TAF8: variants seen among roughly 807,000 people sequenced by gnomAD.
TAF8 encodes transcription initiation factor TFIID subunit 8.
In TAF8, 47 loss-of-function variants were observed where a neutral mutation model predicts 36.5. The ratio of observed to expected loss-of-function variants is 1.29; its 90% confidence interval spans 1.02 to 1.64. The LOEUF (loss-of-function observed/expected upper bound fraction) is 1.64. TAF8 is among the 40% of genes most tolerant of loss of function. The pLI is 0.00. For synonymous variants in TAF8, 175 were observed against 159.5 expected (o/e 1.10, Z -0.73); for missense variants, 420 against 407.6 (o/e 1.03, Z -0.26).
At chr6:42,077,028 C>T in intron 7 of TAF8, 72 bp from the exon 8 acceptor site, 2 of 1,516,354 alleles carry the variant, frequency 1.3e-6, no homozygotes, top group Non-Finnish European at 1.8e-6. Flanking sequence ...TGCTAATGGT[C>T]ATTCCAATTA....
downstream of TAF8, among the ~76,000 whole-genome samples, chr6:42,084,707 C>G (rs934446360): frequency 6.6e-6 from 1 of 152,224 alleles, no homozygotes; most frequent in African/African-American, 2.4e-5. Context: ...AGGTGATCCA[C>G]CTGCCTCAGC....
chr6:42,071,959 A>C (rs907728696), intron 7 of TAF8, among the ~76,000 whole-genome samples: 5 of 152,358 alleles, frequency 3.3e-5, no homozygotes, highest in African/African-American at 1.2e-4. Context: ...CATGAGGCCA[A>C]GCCAGGGTTG....
At chr6:42,050,859 AT>A in intron 1 of TAF8, 1 of 1,134,092 alleles carries the variant, frequency 8.8e-7, no homozygotes, top group South Asian at 3.4e-5. Context: ...TCGCCTTCTT[AT>A]TGGCCGGCCA....
In TAF8 at chr6:42,057,405, G is replaced by A. The variant is rs1048781819; in HGVS notation, c.381G>A (p.Gln127=). The A allele has an allele frequency of 1.2e-6, 2 of 1,614,068 alleles. No individual in the cohort carries two copies. The highest frequency in any genetic ancestry group is 1.7e-5 in the Admixed American group (1 of 60,004). ...CTGTTGCAGCTCCGGTGACCAATCA[G>A]CCAGTGACCCCCAAGGCCCTCACTG... is the stretch of plus-strand genomic sequence containing the variant. ...MVITAPPVTN[Q]PVTPKALTAG... The change falls in exon 5 of 9, where the codon CAG becomes CAA. Residue 127 remains glutamine (Q), a synonymous_variant. Transcript: ENST00000372977.
chr6:42,084,096 G>C (rs1423813895), downstream of TAF8, among the ~76,000 whole-genome samples: 1 of 150,486 alleles, frequency 6.6e-6, no homozygotes, highest in Non-Finnish European at 1.5e-5. Context: ...CAGGAGAATG[G>C]CCTGAACCCG....
Position 42,055,561 on chromosome 6 carries a change from C to CT in TAF8, c.235dup (p.Tyr79LeufsTer3), listed in dbSNP as rs1340775943. On this transcript the variant is annotated frameshift_variant, in exon 3 of 9. Coordinates refer to ENST00000372977, the MANE Select transcript of TAF8 (RefSeq NM_138572.3). LOFTEE classifies it high-confidence loss of function. ...TCAGAAATTGGGAGAAGTGCCAAGT[C>CT]TTACTGTGAGCACACAGCCAGGACC... 1 of 1,614,128 alleles carries CT rather than the reference C, an allele frequency of 6.2e-7. No individual in the cohort carries two copies. The highest frequency in any genetic ancestry group is 8.5e-7 in the Non-Finnish European group (1 of 1,179,994).
chr6:42,086,233 C>T (rs898183194), downstream of TAF8, among the ~76,000 whole-genome samples: 6 of 152,232 alleles, frequency 3.9e-5, no homozygotes, highest in East Asian at 3.8e-4. Flanking sequence ...CACCTTCCTC[C>T]GGAAAAACAG....
chr6:42,071,618 C>G (rs1279904030), intron 7 of TAF8: 1 of 151,976 alleles, frequency 6.6e-6, no homozygotes, highest in Non-Finnish European at 1.5e-5. Context: ...GCCACCACAC[C>G]CGGCCTGGAT....
In TAF8 at chr6:42,079,978, G is replaced by A. The variant is rs1166079167; in HGVS notation, c.*2433G>A. ...AAGGAAAGAGCTGCTTGTCAGGAAC[G>A]GAAGAGGGGACGCTAGTAAAAAAAA... On this transcript the variant is annotated 3_prime_UTR_variant, in exon 9 of 9. Transcript: ENST00000372977. The A allele has an allele frequency of 1.2e-5, 12 of 975,678 alleles. No individual in the cohort carries two copies. The highest frequency in any genetic ancestry group is 1.3e-5 in the Non-Finnish European group (11 of 826,980). 60.4% of individuals were successfully genotyped at this position (975,678 alleles called of 1,614,324 possible).
intron 1 of TAF8, chr6:42,050,816 G>A (rs1192269561): frequency 2.1e-6 from 2 of 948,306 alleles, no homozygotes; most frequent in Non-Finnish European, 2.9e-6. Context: ...TTGGGAGCCC[G>A]GAACACCCCC....
At chr6:42,051,170 T>C (rs1332386976) in intron 1 of TAF8, 187 bp from the exon 2 acceptor site, 4 of 1,310,096 alleles carry the variant, frequency 3.1e-6, no homozygotes, top group Non-Finnish European at 3.9e-6. Context: ...AGAAGTGGTC[T>C]CTGTATTTAA....
intron 2 of TAF8, 125 bp from the exon 3 acceptor site, chr6:42,055,406 C>G (rs965010798): frequency 1.5e-6 from 1 of 671,290 alleles, no homozygotes; most frequent in African/African-American, 1.8e-5. Flanking sequence ...AGTAGCTTTT[C>G]GAATCCCTGC....
In TAF8 at chr6:42,055,578, G is replaced by A. The variant is rs777630505; in HGVS notation, c.250G>A (p.Ala84Thr). Residue 84 changes from alanine to threonine, a missense_variant, in exon 3 of 9, where the codon GCC (alanine) becomes ACC (threonine). Transcript: ENST00000372977. Reference protein sequence around the residue: ...RSAKSYCEHTARTQPTLSDIV... With the variant: ...RSAKSYCEHTTRTQPTLSDIV... Reference sequence around the variant, plus strand: ...TGCCAAGTCTTACTGTGAGCACACAGCCAGGACCCAGCCCACACTGTCCGA... The same window carrying A: ...TGCCAAGTCTTACTGTGAGCACACAACCAGGACCCAGCCCACACTGTCCGA... 6.2e-7 allele frequency: 1 copy of A among 1,614,200 alleles called. No homozygotes were observed. Among genetic ancestry groups the A allele is most frequent in the South Asian group, 1.1e-5 (1 of 91,086 alleles).
intron 5 of TAF8, among the ~76,000 whole-genome samples, chr6:42,061,600 A>G (rs1270017840): frequency 6.6e-6 from 1 of 152,234 alleles, no homozygotes; most frequent in Non-Finnish European, 1.5e-5. Flanking sequence ...TAACATAATC[A>G]TTATAATTAT....
chr6:42,065,496 A>G (rs1025964931), intron 5 of TAF8, among the ~76,000 whole-genome samples: 1 of 152,266 alleles, frequency 6.6e-6, no homozygotes, highest in Non-Finnish European at 1.5e-5. Context: ...ACGTATAATA[A>G]GATCTTCAGC....
rs1012881557 is a variant in TAF8, at chr6:42,078,793, C to T, written c.*1248C>T. On this transcript the variant is annotated 3_prime_UTR_variant, in exon 9 of 9. Coordinates refer to ENST00000372977, the MANE Select transcript of TAF8 (RefSeq NM_138572.3). The stretch of plus-strand genomic sequence containing the variant: ...AGCCTAGAGCGTCGGCTCTATTATG[C>T]TGGGACTTGACAGAGGAGCCATGGG... The T allele has an allele frequency of 1.0e-6, 1 of 985,406 alleles. No homozygotes were observed. Among genetic ancestry groups the T allele is most frequent in the Non-Finnish European group, 1.2e-6 (1 of 829,956 alleles). The allele number at this position is 985,406 out of a possible 1,614,324, so 61.0% of individuals were successfully genotyped here.
rs1554177663 is a variant in TAF8 at position 42,081,191 on chromosome 6, G to GTGTA, written c.*3646_*3647insTGTA. Reference sequence around the variant, plus strand: ...CTGGAGTGTGTGTGTGTGTGTGTGTGCGTGTGTGTGCGTGTGAGACAGAGT... The same window carrying GTGTA: ...CTGGAGTGTGTGTGTGTGTGTGTGTGTGTACGTGTGTGTGCGTGTGAGACAGAGT... On this transcript the variant is annotated 3_prime_UTR_variant, in exon 9 of 9. Transcript: ENST00000372977. 2.5e-5 allele frequency: 2 copies of GTGTA among 80,202 alleles called. No individual in the cohort carries two copies. Among genetic ancestry groups the GTGTA allele is most frequent in the African/African-American group, 1.2e-4 (2 of 16,160 alleles). 5.0% of individuals were successfully genotyped at this position (80,202 alleles called of 1,614,324 possible).
At chr6:42,051,330 G>A (rs775332894) in intron 1 of TAF8, 27 bp from the exon 2 acceptor site, 2 of 1,600,610 alleles carry the variant, frequency 1.2e-6, no homozygotes, top group South Asian at 1.1e-5. Flanking sequence ...TTCTCCTGTG[G>A]ATGAAAATCT....
At position 42,081,119 on chromosome 6, in the gene TAF8, C is replaced by A. The variant is rs569713523; in HGVS notation, c.*3574C>A. 9.0e-6 allele frequency: 2 copies of A among 221,708 alleles called. No individual in the cohort carries two copies. Among genetic ancestry groups the A allele is most frequent in the South Asian group, 1.6e-4 (1 of 6,134 alleles). The allele number at this position is 221,708 out of a possible 1,614,324, so 13.7% of individuals were successfully genotyped here. On this transcript the variant is annotated 3_prime_UTR_variant, in exon 9 of 9. Transcript: ENST00000372977. ...CACACTTGTCAGTAGCTTGTTGATT[C>A]TGTTTCATCTGTTTCTCCCACTTTT...
Sources: gnomAD v4.1 joint callset for allele counts (sites outside exome capture counted in the v4.1 genomes callset) on GRCh38, gnomAD v4.1.1 for gene constraint, MANE v1.5 for transcripts, NCBI Gene and HGNC (gene_info 2026-07-23, HGNC 2026-07-21) for gene names.